Variants in CDC73 observed in about 807,000 individuals in gnomAD.
CDC73 encodes the protein cell division cycle 73.
CDC73 carries 21 observed loss-of-function variants against 83.7 expected under a neutral mutation model. That is an observed-to-expected ratio of 0.25 (90% CI 0.18 to 0.36). The LOEUF (loss-of-function observed/expected upper bound fraction) is 0.36. CDC73 is among the 10% of genes least tolerant of loss of function. The probability of loss-of-function intolerance (pLI) is 1.00; values close to 1 mark genes in which losing one functional copy is unlikely to be tolerated. For missense variants in CDC73, 342 were observed against 653.3 expected (o/e 0.52, Z 5.19); for synonymous variants, 224 against 212.9 (o/e 1.05, Z -0.45).
chr1:193,142,659 C>T (rs547268413), intron 7 of CDC73, among the ~76,000 whole-genome samples: 24 of 152,010 alleles, frequency 1.6e-4, no homozygotes, highest in African/African-American at 5.3e-4. Flanking sequence ...CCTCCCGTTT[C>T]CCTCTCTTCC....
chr1:193,234,292 A>ATATATATAATATATATAATATACATAT (rs1677719929), intron 14 of CDC73, among the ~76,000 whole-genome samples: 13 of 138,766 alleles, frequency 9.4e-5, no homozygotes, highest in Non-Finnish European at 1.7e-4. Flanking sequence ...TATACATATT[A>ATATATATAATATATATAATATACATAT]TATATATAAT....
intron 13 of CDC73, among the ~76,000 whole-genome samples, chr1:193,223,757 T>G (rs1186806802): frequency 6.6e-6 from 1 of 152,140 alleles, no homozygotes; most frequent in Non-Finnish European, 1.5e-5. Context: ...GTCTGCAGTG[T>G]TGTTCTTACT....
At chr1:193,225,229 C>G (rs1677545624) in intron 13 of CDC73, among the ~76,000 whole-genome samples, 1 of 141,812 alleles carries the variant, frequency 7.1e-6, no homozygotes, top group Admixed American at 7.4e-5. Flanking sequence ...CCTTTTATGG[C>G]TGAGTAGTAT....
Position 193,218,352 on chromosome 1 carries a change from C to G in CDC73, c.1154+5875C>G, listed in dbSNP as rs140344491. Among the ~76,000 whole-genome samples, 27 of 152,324 alleles carry G rather than the reference C, an allele frequency of 1.8e-4. No individual in the cohort carries two copies. The East Asian group carries it at 4.8e-3, about 27-fold the overall frequency. ...GGCCATAACTGCCCAAAACAACTTA[C>G]AGATTCACTGCTATTCCTAGCAAAC... On this transcript the variant is annotated intron_variant, in intron 13 of 16. Coordinates refer to ENST00000367435, the MANE Select transcript of CDC73 (RefSeq NM_024529.5).
In CDC73 at chr1:193,125,132, C is replaced by G; in HGVS notation, c.152C>G (p.Pro51Arg). Reference sequence around the variant, plus strand: ...TTCAGGACTGGAAAGGAAGGCCAACCCAGAGAGTACTACACATTGGATTCC... The same window carrying G: ...TTCAGGACTGGAAAGGAAGGCCAACGCAGAGAGTACTACACATTGGATTCC... The part of the protein sequence containing the change: ...VVWGTGKEGQ[P>R]REYYTLDSIL... The change falls in exon 2 of 17, where the codon CCC (proline) becomes CGC (arginine). Residue 51 changes from proline to arginine, a missense_variant. Physicochemically the swap from Pro to Arg is moderately radical, Grantham distance 103. Around this residue, in one of 3 missense-constraint regions of CDC73, gnomAD observed 99 missense variants for 174.5 expected, o/e 0.57. Transcript: ENST00000367435. 1 of 1,602,270 alleles carries G rather than the reference C, an allele frequency of 6.2e-7. No individual in the cohort carries two copies. Among genetic ancestry groups the G allele is most frequent in the Non-Finnish European group, 8.6e-7 (1 of 1,169,150 alleles).
intron 15 of CDC73, among the ~76,000 whole-genome samples, chr1:193,238,820 T>A (rs1224287443): frequency 2.0e-5 from 3 of 152,096 alleles, no homozygotes; most frequent in African/African-American, 7.2e-5. Context: ...TGGGAGTGGG[T>A]TATCATAAAG....
At chr1:193,129,044 C>G (rs1675641792) in intron 2 of CDC73, among the ~76,000 whole-genome samples, 1 of 146,436 alleles carries the variant, frequency 6.8e-6, no homozygotes, top group Non-Finnish European at 1.5e-5. Context: ...GTCACCCAGG[C>G]TGGAGTACAG....
chr1:193,246,504 C>G (rs944060255), intron 15 of CDC73, among the ~76,000 whole-genome samples: 2 of 151,972 alleles, frequency 1.3e-5, no homozygotes, highest in African/African-American at 4.8e-5. Context: ...ACAAAATCAT[C>G]ATACAAAAAC....
chr1:193,144,135 T>A, intron 7 of CDC73, among the ~76,000 whole-genome samples: 1 of 73,126 alleles, frequency 1.4e-5, no homozygotes, highest in Non-Finnish European at 3.3e-5. Flanking sequence ...AAAAAAAATT[T>A]CATGAGAGGT....
chr1:193,135,868 C>CTTTTTTT (rs1038256301), intron 5 of CDC73, among the ~76,000 whole-genome samples: 2 of 127,178 alleles, frequency 1.6e-5, no homozygotes, highest in South Asian at 2.5e-4. Flanking sequence ...CCTTTCTGTT[C>CTTTTTTT]TTTTTTTTTT....
intron 13 of CDC73, among the ~76,000 whole-genome samples, chr1:193,222,050 TAATA>T (rs1038434847): frequency 2.0e-5 from 3 of 152,024 alleles, no homozygotes; most frequent in African/African-American, 7.3e-5. Flanking sequence ...CAAAAAAAAA[TAATA>T]AAACCCTTTA....
At chr1:193,142,904 C>G (rs1675931191) in intron 7 of CDC73, among the ~76,000 whole-genome samples, 1 of 152,124 alleles carries the variant, frequency 6.6e-6, no homozygotes, top group Non-Finnish European at 1.5e-5. Context: ...TATGTACTTT[C>G]ATTTGTCTTT....
Position 193,179,030 on chromosome 1 carries a change from A to G in CDC73, c.973-24765A>G, listed in dbSNP as rs1388270050. 4 of 152,222 alleles carry G rather than the reference A, an allele frequency of 2.6e-5. No homozygotes were observed. The East Asian group carries it at 5.8e-4, about 22-fold the overall frequency. 9.4% of individuals were successfully genotyped at this position (152,222 alleles called of 1,614,324 possible). On this transcript the variant is annotated intron_variant, in intron 10 of 16. Transcript: ENST00000367435. ...AGTCAAACAAAATTATTGTGAAAAT[A>G]CTTATAACACTCAGTAAAGTTTTTT... is the stretch of plus-strand genomic sequence containing the variant.
At chr1:193,216,478 C>G (rs199798024) in intron 13 of CDC73, among the ~76,000 whole-genome samples, 1 of 152,050 alleles carries the variant, frequency 6.6e-6, no homozygotes, top group Admixed American at 6.5e-5. Context: ...CCCCCCAACC[C>G]CAAACCAGAC....
chr1:193,140,074 C>T (rs2103125115), intron 6 of CDC73, among the ~76,000 whole-genome samples: 1 of 152,340 alleles, frequency 6.6e-6, no homozygotes, highest in South Asian at 2.1e-4. Context: ...GTAGTCTCAG[C>T]TCCATTTCTT....
intron 14 of CDC73, among the ~76,000 whole-genome samples, chr1:193,234,175 TCACACACACACACACACACACA>T (rs71111461): frequency 2.0e-5 from 2 of 101,400 alleles, no homozygotes; most frequent in Non-Finnish European, 1.8e-5. Flanking sequence ...TCTCTCTCTC[TCACACACACACACACACACACA>T]CACACACACA....
intron 1 of CDC73, among the ~76,000 whole-genome samples, chr1:193,122,885 A>G (rs1221203624): frequency 6.6e-6 from 1 of 152,200 alleles, no homozygotes; most frequent in Non-Finnish European, 1.5e-5. Flanking sequence ...TGGAAGAGTC[A>G]TAAAAGTCTG....
At chr1:193,192,657 G>C (rs1676938685) in intron 10 of CDC73, among the ~76,000 whole-genome samples, 1 of 152,142 alleles carries the variant, frequency 6.6e-6, no homozygotes, top group Non-Finnish European at 1.5e-5. Flanking sequence ...CAGGCTGCAC[G>C]ATGGATGAAT....
At chr1:193,201,032 T>A (rs1677082311) in intron 10 of CDC73, among the ~76,000 whole-genome samples, 1 of 152,190 alleles carries the variant, frequency 6.6e-6, no homozygotes, top group Admixed American at 6.5e-5. Context: ...CATATTCTAC[T>A]GTTTTGTCAT....
Sources: allele counts gnomAD v4.1 joint callset (sites outside exome capture counted in the v4.1 genomes callset), GRCh38; gene constraint gnomAD v4.1.1; regional missense constraint gnomAD v4.1.1; transcripts MANE v1.5; gene names NCBI Gene and HGNC (gene_info 2026-07-23, HGNC 2026-07-21).